TENT2: variants seen among roughly 807,000 people sequenced by gnomAD.
The protein encoded by TENT2 is poly(A) RNA polymerase GLD2.
A neutral mutation model predicts 72.2 loss-of-function variants in TENT2; 44 were observed. The observed-to-expected ratio is 0.61, with a 90% confidence interval of 0.48 to 0.78. The LOEUF is 0.78. Ranked by LOEUF, TENT2 falls within the 30% of genes least tolerant of loss-of-function variation. The probability of loss-of-function intolerance (pLI) is 0.00; values close to 1 mark genes in which losing one functional copy is unlikely to be tolerated. For synonymous variants in TENT2, 212 were observed against 192.5 expected (o/e 1.10, Z -0.84); for missense variants, 541 against 569.6 (o/e 0.95, Z 0.51).
chr5:79,636,742 C>T (rs1780421910), intron 4 of TENT2, among the ~76,000 whole-genome samples: 1 of 152,032 alleles, frequency 6.6e-6, no homozygotes, highest in African/African-American at 2.4e-5. Context: ...TGTATCTCTC[C>T]CTTTATTTAG....
At chr5:79,627,061 C>T (rs1236551793) in intron 4 of TENT2, among the ~76,000 whole-genome samples, 2 of 149,226 alleles carry the variant, frequency 1.3e-5, no homozygotes, top group Admixed American at 6.7e-5. Context: ...ACCCGGGAGG[C>T]GGAGGTTACA....
chr5:79,667,900 G>A (rs1809661127), intron 11 of TENT2, among the ~76,000 whole-genome samples: 1 of 148,316 alleles, frequency 6.7e-6, no homozygotes, highest in Non-Finnish European at 1.5e-5. Context: ...AATCTTAACC[G>A]TAGTTGTCAT....
chr5:79,612,598 G>C lies in TENT2; in HGVS notation c.-515G>C, dbSNP rs573206696. On this transcript the variant is annotated 5_prime_UTR_variant, in exon 1 of 15. Coordinates refer to ENST00000453514, the MANE Select transcript of TENT2 (RefSeq NM_001114394.3). ...GTGTTGCTCCTCCCCTGGCAGCCGTGAGGGGGGTTAGATCTCAGCCGGAGC... is the reference window on the plus strand; with the variant it reads ...GTGTTGCTCCTCCCCTGGCAGCCGTCAGGGGGGTTAGATCTCAGCCGGAGC... 9 of 153,448 alleles carry C rather than the reference G, an allele frequency of 5.9e-5. No individual in the cohort carries two copies. The East Asian group carries it at 1.7e-3, about 30-fold the overall frequency. The allele number at this position is 153,448 out of a possible 1,614,324, so 9.5% of individuals were successfully genotyped here. A position where few individuals can be genotyped will look rare whatever the true frequency, so the allele number is the denominator to read the frequency against.
At chr5:79,616,150 G>C (rs1426130389) in intron 1 of TENT2, among the ~76,000 whole-genome samples, 1 of 149,264 alleles carries the variant, frequency 6.7e-6, no homozygotes, top group Middle Eastern at 3.2e-3. Context: ...GCCTCCCAGA[G>C]TGTTGGGATT....
At chr5:79,661,808 T>C (rs956312222) in intron 11 of TENT2, among the ~76,000 whole-genome samples, 1 of 152,140 alleles carries the variant, frequency 6.6e-6, no homozygotes, top group African/African-American at 2.4e-5. Context: ...GTTTGCCACA[T>C]TGATTGATTC....
intron 10 of TENT2, among the ~76,000 whole-genome samples, chr5:79,653,819 T>G (rs1182460945): frequency 6.6e-6 from 1 of 152,300 alleles, no homozygotes; most frequent in African/African-American, 2.4e-5. Flanking sequence ...TATTGAGTAG[T>G]TACAGCTCTG....
chr5:79,635,684 A>G (rs1779559871), intron 4 of TENT2, among the ~76,000 whole-genome samples: 1 of 152,058 alleles, frequency 6.6e-6, no homozygotes, highest in Non-Finnish European at 1.5e-5. Context: ...CCTCCGGAGT[A>G]GCTGAGACTA....
intron 1 of TENT2, among the ~76,000 whole-genome samples, chr5:79,613,397 A>C (rs961959361): frequency 1.3e-5 from 2 of 152,264 alleles, no homozygotes; most frequent in Admixed American, 6.5e-5. Flanking sequence ...ACACAAGCTA[A>C]ATAACACATG....
At chr5:79,633,997 C>CAAAAAAAA (rs562252526) in intron 4 of TENT2, among the ~76,000 whole-genome samples, 15 of 70,458 alleles carry the variant, frequency 2.1e-4, no homozygotes, top group African/African-American at 3.4e-4. Context: ...ACTAAAAATA[C>CAAAAAAAA]AAAAAAAAAA....
At position 79,619,761 on chromosome 5, in the gene TENT2, C is replaced by T; in HGVS notation, c.113C>T (p.Ala38Val). Residue 38 changes from alanine (A) to valine (V), a missense_variant, in exon 2 of 15, where the codon GCA becomes GTA. By Grantham distance (64) the Ala-to-Val change is moderately conservative (BLOSUM62 0). Coordinates refer to ENST00000453514, the MANE Select transcript of TENT2 (RefSeq NM_001114394.3). Reference protein sequence around the residue: ...TVYSHQQLIDAQFNFQNADLS... With the variant: ...TVYSHQQLIDVQFNFQNADLS... Reference sequence around the variant, plus strand: ...TATTCACACCAGCAGCTTATAGATGCACAATTCAACTTTCAGAATGCAGAG... The same window carrying T: ...TATTCACACCAGCAGCTTATAGATGTACAATTCAACTTTCAGAATGCAGAG... 1 of 1,613,284 alleles carries T rather than the reference C, an allele frequency of 6.2e-7. No individual in the cohort carries two copies. The highest frequency in any genetic ancestry group is 1.1e-5 in the South Asian group (1 of 90,934).
At chr5:79,619,285 A>C (rs539835974) in intron 1 of TENT2, among the ~76,000 whole-genome samples, 46 of 152,222 alleles carry the variant, frequency 3.0e-4, no homozygotes, top group Non-Finnish European at 5.6e-4. Context: ...AATAAATGTA[A>C]TAATCTGTGG....
intron 10 of TENT2, among the ~76,000 whole-genome samples, chr5:79,650,240 A>G (rs1439890927): frequency 6.6e-6 from 1 of 152,160 alleles, no homozygotes; most frequent in Admixed American, 6.5e-5. Context: ...TGTATAGAAT[A>G]CCTACCAAAT....
chr5:79,623,153 T>C (rs1399176512), intron 3 of TENT2, 99 bp from the exon 4 acceptor site: 1 of 796,086 alleles, frequency 1.3e-6, no homozygotes, highest in African/African-American at 1.7e-5. Flanking sequence ...AGAATCATAT[T>C]GTCATTATCT....
chr5:79,643,420 TG>T (rs1291610433), intron 7 of TENT2, among the ~76,000 whole-genome samples: 1 of 152,220 alleles, frequency 6.6e-6, no homozygotes, highest in African/African-American at 2.4e-5. Context: ...TTTTACTTTT[TG>T]AATACACTGA....
In TENT2 at chr5:79,679,633, T is replaced by C; in HGVS notation, c.1263T>C (p.Asp421=). Residue 421 remains aspartate, a synonymous_variant, in exon 13 of 15, where the codon GAT becomes GAC. Transcript: ENST00000453514. The stretch of plus-strand genomic sequence containing the variant: ...AAGCCAAAGCCATTCCAAGGCCTGA[T>C]GGTATTGAATGGAGAAATAAATACA... ...VREAKAIPRP[D]GIEWRNKYIC... 1 of 1,602,640 alleles carries C rather than the reference T, an allele frequency of 6.2e-7. No individual in the cohort carries two copies.
intron 7 of TENT2, among the ~76,000 whole-genome samples, chr5:79,643,881 A>T (rs1157971673): frequency 6.6e-6 from 1 of 152,006 alleles, no homozygotes; most frequent in East Asian, 1.9e-4. Context: ...CCTGGAGTAT[A>T]GTTTGTTGGT....
chr5:79,668,794 C>T, intron 11 of TENT2, 98 bp from the exon 12 acceptor site: 2 of 1,369,314 alleles, frequency 1.5e-6, no homozygotes, highest in Non-Finnish European at 2.0e-6. Flanking sequence ...TAAATTTCTT[C>T]TCTCTTTTTC....
At chr5:79,669,789 CAT>C (rs889233055) in intron 12 of TENT2, among the ~76,000 whole-genome samples, 2 of 151,390 alleles carry the variant, frequency 1.3e-5, no homozygotes, top group Admixed American at 6.6e-5. Context: ...TGGTTCTAAA[CAT>C]ATATTTATTA....
chr5:79,649,749 G>A (rs1792195581), intron 10 of TENT2, among the ~76,000 whole-genome samples: 1 of 152,086 alleles, frequency 6.6e-6, no homozygotes, highest in Admixed American at 6.6e-5. Flanking sequence ...ACAGTAATAA[G>A]TGAACACTTG....
Sources: gnomAD v4.1 joint callset for allele counts (sites outside exome capture counted in the v4.1 genomes callset) on GRCh38, gnomAD v4.1.1 for gene constraint, MANE v1.5 for transcripts, NCBI Gene and HGNC (gene_info 2026-07-23, HGNC 2026-07-21) for gene names.